The following ARHGAP8 variants were observed in gnomAD, a reference collection of about 807,000 sequenced individuals.
ARHGAP8 encodes the protein Rho GTPase activating protein 8, also known as rho GTPase-activating protein 8.
ARHGAP8 carries 62 observed loss-of-function variants against 46.1 expected under a neutral mutation model. That is an observed-to-expected ratio of 1.34 (90% CI 1.10 to 1.66). The LOEUF is 1.66. Ranked by LOEUF, ARHGAP8 falls within the 40% of genes most tolerant of loss-of-function variation. The pLI is 0.00. For synonymous variants in ARHGAP8, 375 were observed against 243.1 expected (o/e 1.54, Z -5.05); for missense variants, 923 against 568.4 (o/e 1.62, Z -6.34).
intron 1 of ARHGAP8, among the ~76,000 whole-genome samples, chr22:44,767,589 C>T (rs1238790123): frequency 4.6e-5 from 7 of 152,098 alleles, no homozygotes; most frequent in African/African-American, 7.2e-5. Flanking sequence ...GAGGCTCCCA[C>T]GCTGCCTTTA....
intron 1 of ARHGAP8, 103 bp from the exon 2 acceptor site, chr22:44,786,325 ACGGCTGAGGTAGGGCGCGTAGTGGGTGTG>A: frequency 1.9e-6 from 2 of 1,047,492 alleles, no homozygotes; most frequent in Non-Finnish European, 2.6e-6. Context: ...TAGTGGGTGC[ACGGCTGAGGTAGGGCGCGTAGTGGGTGTG>A]CAGCAGAGGT....
chr22:44,816,634 C>T (rs1391070203), intron 5 of ARHGAP8, among the ~76,000 whole-genome samples: 1 of 151,868 alleles, frequency 6.6e-6, no homozygotes, highest in Admixed American at 6.6e-5. Context: ...AAGTGAGCCC[C>T]ACCTCTATAA....
intron 7 of ARHGAP8, among the ~76,000 whole-genome samples, chr22:44,833,300 T>C (rs1254066560): frequency 6.6e-6 from 1 of 152,134 alleles, no homozygotes; most frequent in Admixed American, 6.6e-5. Context: ...GGTCTCACTA[T>C]GTTGCCCAGG....
At chr22:44,770,858 C>T (rs2147010960) in intron 1 of ARHGAP8, among the ~76,000 whole-genome samples, 1 of 152,214 alleles carries the variant, frequency 6.6e-6, no homozygotes, top group South Asian at 2.1e-4. Flanking sequence ...GCCTTGTATT[C>T]GTTTTATAAA....
intron 10 of ARHGAP8, among the ~76,000 whole-genome samples, chr22:44,857,050 G>C (rs1234321246): frequency 7.0e-6 from 1 of 142,018 alleles, no homozygotes; most frequent in Non-Finnish European, 1.5e-5. Flanking sequence ...AAATGACTCT[G>C]TTGCCTCAGC....
chr22:44,847,467 A>G (rs180797709), intron 8 of ARHGAP8, among the ~76,000 whole-genome samples: 255 of 152,326 alleles, frequency 1.7e-3, no homozygotes, highest in African/African-American at 5.7e-3. Context: ...TTGAGTGACT[A>G]GATTTCTAAT....
At chr22:44,852,949 C>T (rs6006892) in intron 10 of ARHGAP8, among the ~76,000 whole-genome samples, 30,118 of 151,936 alleles carry the variant, frequency 0.2, 3,265 homozygotes, top group African/African-American at 0.27. Context: ...ACGACAGGCC[C>T]GTGTCACCAC....
chr22:44,786,447 T>C lies in ARHGAP8; in HGVS notation c.-71-10T>C, dbSNP rs1418399274. 1.3e-6 allele frequency: 2 copies of C among 1,577,610 alleles called. No homozygotes were observed. Among genetic ancestry groups the C allele is most frequent in the Non-Finnish European group, 1.7e-6 (2 of 1,163,550 alleles). On this transcript the variant is annotated splice_polypyrimidine_tract_variant and intron_variant, in intron 1 of 11. Transcript: ENST00000356099. ...AATGCACTGACTTCCTTTAATCTTC[T>C]TTGCCGCAGAGCTGCAGAGAGACAA...
intron 9 of ARHGAP8, among the ~76,000 whole-genome samples, chr22:44,848,309 C>G (rs2070010283): frequency 6.6e-6 from 1 of 152,158 alleles, no homozygotes; most frequent in Admixed American, 6.5e-5. Context: ...TCTCTCCATC[C>G]ACACCACGTG....
In ARHGAP8 at chr22:44,786,556, C is replaced by T. The variant is rs199810949; in HGVS notation, c.29C>T (p.Thr10Met). Residue 10 changes from threonine (T) to methionine (M), a missense_variant, in exon 2 of 12, where the codon ACG becomes ATG. Transcript: ENST00000356099. The stretch of plus-strand genomic sequence containing the variant: ...GCTGGCCAGGATCCTGCGCTGAGCA[C>T]GAGTCACCCGTTCTACGACGTGGCC... The part of the protein sequence containing the change: MAGQDPALS[T>M]SHPFYDVARH... The T allele has an allele frequency of 2.4e-5, 38 of 1,613,504 alleles. No individual in the cohort carries two copies. In the Admixed American group the frequency reaches 3.3e-4, roughly 14 times the overall value.
chr22:44,859,830 A>T lies in ARHGAP8; in HGVS notation c.977A>T (p.His326Leu). 1 of 1,613,614 alleles carries T rather than the reference A, an allele frequency of 6.2e-7. No homozygotes were observed. Among genetic ancestry groups the T allele is most frequent in the Non-Finnish European group, 8.5e-7 (1 of 1,179,818 alleles). The change falls in exon 11 of 12, where the codon CAT becomes CTT. Residue 326 changes from histidine (H) to leucine (L), a missense_variant. By Grantham distance (99) the His-to-Leu change is moderately conservative (BLOSUM62 -3). Coordinates refer to ENST00000356099, the MANE Select transcript of ARHGAP8 (RefSeq NM_181335.3). ...CTCCGCTACCTCATGGGCTTCCTGCATGCGGTGAGTGGGGAAGGGGGGAGC... is the reference window on the plus strand; with the variant it reads ...CTCCGCTACCTCATGGGCTTCCTGCTTGCGGTGAGTGGGGAAGGGGGGAGC... Reference protein sequence around the residue: ...VVLRYLMGFLHAVSRESIFNK... With the variant: ...VVLRYLMGFLLAVSRESIFNK...
At chr22:44,841,268 C>A (rs558659181) in intron 7 of ARHGAP8, among the ~76,000 whole-genome samples, 1 of 152,112 alleles carries the variant, frequency 6.6e-6, no homozygotes, top group Admixed American at 6.5e-5. Flanking sequence ...AGTCTCTGTG[C>A]GAGCGTGATT....
intron 1 of ARHGAP8, among the ~76,000 whole-genome samples, chr22:44,776,670 A>G (rs1024615363): frequency 6.6e-6 from 1 of 152,040 alleles, no homozygotes; most frequent in Non-Finnish European, 1.5e-5. Context: ...TGAGTTACTG[A>G]GGCTTCACTT....
Position 44,822,459 on chromosome 22 carries a change from G to A in ARHGAP8, c.475G>A (p.Glu159Lys), listed in dbSNP as rs55849456. 10,456 of 1,555,032 alleles carry A rather than the reference G, an allele frequency of 6.7e-3. 52 individuals are homozygous for A. Among genetic ancestry groups the A allele is most frequent in the Non-Finnish European group, 7.7e-3 (8,960 of 1,159,638 alleles). ...LKYDQLVIPPEVLRYDEKLQS... is the reference protein window; with the variant it reads ...LKYDQLVIPPKVLRYDEKLQS... ...ATACGACCAGCTGGTCATCCCTCCC[G>A]AAGTTTTGCGGTAAGTGCCTGTTAG... Residue 159 changes from glutamate (E) to lysine (K), a missense_variant, in exon 6 of 12, where the codon GAA becomes AAA. Transcript: ENST00000356099.
In ARHGAP8 at chr22:44,776,345, G is replaced by A. The variant is rs893162728; in HGVS notation, c.-71-10112G>A. ...CGGGTACCTGTAATCCCAGCTACTC[G>A]GGAGGCCGAGGCAGGAGAATCCCTT... On this transcript the variant is annotated intron_variant, in intron 1 of 11. Coordinates refer to ENST00000356099, the MANE Select transcript of ARHGAP8 (RefSeq NM_181335.3). Among the ~76,000 whole-genome samples, 6 of 152,030 alleles carry A rather than the reference G, an allele frequency of 3.9e-5. No homozygotes were observed. The South Asian group carries it at 8.3e-4, about 21-fold the overall frequency.
rs1401721193 is a variant in ARHGAP8, at chr22:44,832,244, A to T, written c.596+6651A>T. 2.3e-3 allele frequency among the ~76,000 whole-genome samples: 178 copies of T among 77,692 alleles called. 1 individual carries two copies. Among genetic ancestry groups the T allele is most frequent in the Non-Finnish European group, 2.8e-3 (112 of 39,452 alleles). 51.0% of individuals were successfully genotyped at this position (77,692 alleles called of 152,430 possible). On this transcript the variant is annotated intron_variant, in intron 7 of 11. Coordinates refer to ENST00000356099, the MANE Select transcript of ARHGAP8 (RefSeq NM_181335.3). ...GTAATTTTTTTTTTTTTTTTTTTTT[A>T]AAGACAGAGTCTTGCCCTGTTGCCT... is the stretch of plus-strand genomic sequence containing the variant.
Position 44,786,472 on chromosome 22 carries a change from A to G in ARHGAP8, c.-56A>G. On this transcript the variant is annotated 5_prime_UTR_variant, in exon 2 of 12. Transcript: ENST00000356099. ...TTTGCCGCAGAGCTGCAGAGAGACA[A>G]GGCGGCGGCGGCTGCTGTGCTGGGT... The G allele has an allele frequency of 6.2e-7, 1 of 1,605,946 alleles. No homozygotes were observed. Among genetic ancestry groups the G allele is most frequent in the East Asian group, 2.3e-5 (1 of 44,340 alleles).
Position 44,862,396 on chromosome 22 carries a change from T to G in ARHGAP8, c.1103T>G (p.Met368Arg), listed in dbSNP as rs758958527. 6.8e-6 allele frequency: 11 copies of G among 1,614,100 alleles called. No individual in the cohort carries two copies. Among genetic ancestry groups the G allele is most frequent in the Non-Finnish European group, 9.3e-6 (11 of 1,180,002 alleles). Residue 368 changes from methionine (M) to arginine (R), a missense_variant, in exon 12 of 12, where the codon ATG (methionine) becomes AGG (arginine). Met to Arg is a moderately conservative substitution (Grantham distance 91, BLOSUM62 -1). Coordinates refer to ENST00000356099, the MANE Select transcript of ARHGAP8 (RefSeq NM_181335.3). ...SSLSALVPLN[M>R]FTELLIEYYE... Reference sequence around the variant, plus strand: ...CTGAGTGCCCTTGTGCCCCTGAACATGTTCACTGAACTGCTGATCGAGTAC... The same window carrying G: ...CTGAGTGCCCTTGTGCCCCTGAACAGGTTCACTGAACTGCTGATCGAGTAC...
In ARHGAP8 at chr22:44,861,035, G is replaced by A. The variant is rs558763846; in HGVS notation, c.981+1201G>A. On this transcript the variant is annotated intron_variant, in intron 11 of 11. Transcript: ENST00000356099. Reference sequence around the variant, plus strand: ...CAAAAAAATTTTTTGAGACAGTCTTGCTCTGTTGCCCTAGCTGGTGTGCAC... The same window carrying A: ...CAAAAAAATTTTTTGAGACAGTCTTACTCTGTTGCCCTAGCTGGTGTGCAC... Among the ~76,000 whole-genome samples, 6 of 152,248 alleles carry A rather than the reference G, an allele frequency of 3.9e-5. No individual in the cohort carries two copies. The South Asian group carries it at 1.2e-3, about 32-fold the overall frequency.
Sources: gnomAD v4.1 joint callset for allele counts (sites outside exome capture counted in the v4.1 genomes callset) on GRCh38, gnomAD v4.1.1 for gene constraint, MANE v1.5 for transcripts, NCBI Gene and HGNC (gene_info 2026-07-23, HGNC 2026-07-21) for gene names.